Variants in IKZF2 observed in about 807,000 individuals in gnomAD.
IKZF2 encodes the protein IKAROS family zinc finger 2, also known as zinc finger protein Helios.
IKZF2 carries 15 observed loss-of-function variants against 49.2 expected under a neutral mutation model. The observed-to-expected ratio is 0.30, with a 90% CI of 0.20 to 0.47. IKZF2 has a LOEUF of 0.47. IKZF2 is among the 20% of genes least tolerant of loss of function. The pLI is 1.00. For synonymous variants in IKZF2, 227 were observed against 221.4 expected (o/e 1.03, Z -0.23); for missense variants, 567 against 664.6 (o/e 0.85, Z 1.61).
At chr2:213,025,165 C>T (rs1375859747) in intron 6 of IKZF2, among the ~76,000 whole-genome samples, 1 of 152,108 alleles carries the variant, frequency 6.6e-6, no homozygotes, top group African/African-American at 2.4e-5. Flanking sequence ...GTTTTAGCGT[C>T]TGAGATCAGA....
intron 6 of IKZF2, among the ~76,000 whole-genome samples, chr2:213,048,713 T>C (rs1700401325): frequency 6.6e-6 from 1 of 152,074 alleles, no homozygotes; most frequent in South Asian, 2.1e-4. Context: ...TAAGAGTTAA[T>C]GTTTAAAATA....
chr2:213,059,995 C>G (rs1265455961), intron 4 of IKZF2, among the ~76,000 whole-genome samples: 1 of 151,226 alleles, frequency 6.6e-6, no homozygotes. Context: ...TGTATTTATA[C>G]AGTAAATCAA....
chr2:213,039,326 T>C (rs1023012613), intron 6 of IKZF2, among the ~76,000 whole-genome samples: 1 of 152,028 alleles, frequency 6.6e-6, no homozygotes, highest in Admixed American at 6.6e-5. Flanking sequence ...CTTGGAACTA[T>C]AGGGACTTGA....
chr2:213,116,263 C>T (rs957117826), intron 4 of IKZF2, among the ~76,000 whole-genome samples: 3 of 152,074 alleles, frequency 2.0e-5, no homozygotes, highest in South Asian at 2.1e-4. Flanking sequence ...GTGTTGAGGA[C>T]GTACAATGTT....
At chr2:213,062,802 T>C (rs940635052) in intron 4 of IKZF2, among the ~76,000 whole-genome samples, 3 of 151,958 alleles carry the variant, frequency 2.0e-5, no homozygotes, top group Non-Finnish European at 4.4e-5. Context: ...TACACTAATA[T>C]AACTCTCTCT....
chr2:213,002,938 T>C lies in IKZF2; in HGVS notation c.*4422A>G, dbSNP rs1695027345. 1 of 151,984 alleles carries C rather than the reference T, an allele frequency of 6.6e-6. No homozygotes were observed. The highest frequency in any genetic ancestry group is 2.1e-4 in the South Asian group (1 of 4,830). The allele number at this position is 151,984 out of a possible 1,614,324, so 9.4% of individuals were successfully genotyped here. A position where few individuals can be genotyped will look rare whatever the true frequency, so the allele number is the denominator to read the frequency against. On this transcript the variant is annotated 3_prime_UTR_variant, in exon 9 of 9. Transcript: ENST00000434687. ...TCAATTCACAGGTAAAGTTTCACTC[T>C]ATATTTTACCTGCATAATCTTGTAA...
At chr2:213,097,695 T>C (rs1706180187) in intron 4 of IKZF2, among the ~76,000 whole-genome samples, 1 of 152,150 alleles carries the variant, frequency 6.6e-6, no homozygotes, top group African/African-American at 2.4e-5. Context: ...GATTGTATCA[T>C]AGAACCTGAC....
chr2:213,036,660 T>C (rs913804898), intron 6 of IKZF2, among the ~76,000 whole-genome samples: 1 of 152,192 alleles, frequency 6.6e-6, no homozygotes, highest in African/African-American at 2.4e-5. Context: ...ATCATATTTC[T>C]ATACAATTTA....
intron 6 of IKZF2, among the ~76,000 whole-genome samples, chr2:213,042,976 A>G (rs1217393047): frequency 6.6e-6 from 1 of 152,160 alleles, no homozygotes; most frequent in African/African-American, 2.4e-5. Flanking sequence ...ATGTTAGATA[A>G]AAAGGTTTTT....
chr2:213,073,386 A>G (rs1702912819), intron 4 of IKZF2, among the ~76,000 whole-genome samples: 1 of 152,188 alleles, frequency 6.6e-6, no homozygotes, highest in Non-Finnish European at 1.5e-5. Flanking sequence ...AACTAACTCC[A>G]TATTTACCAC....
rs1161046911 is a variant in IKZF2, at chr2:213,000,565, GTTTTA to G, written c.*6790_*6794del. ...CAAAACATGTATTTATATTACAGCA[GTTTTA>G]CTACAGGGACACAGGTATAAAAAAA... On this transcript the variant is annotated 3_prime_UTR_variant, in exon 9 of 9. Transcript: ENST00000434687. 6.6e-6 allele frequency: 1 copy of G among 151,658 alleles called. No individual in the cohort carries two copies. The highest frequency in any genetic ancestry group is 2.4e-5 in the African/African-American group (1 of 41,320). 9.4% of individuals were successfully genotyped at this position (151,658 alleles called of 1,614,324 possible).
At chr2:213,134,939 T>G (rs1281472851) in intron 4 of IKZF2, among the ~76,000 whole-genome samples, 1 of 152,202 alleles carries the variant, frequency 6.6e-6, no homozygotes, top group Non-Finnish European at 1.5e-5. Flanking sequence ...ATCTGTTATT[T>G]TTATTCTTTC....
chr2:213,024,495 C>A (rs977343428), intron 6 of IKZF2, among the ~76,000 whole-genome samples: 5 of 151,920 alleles, frequency 3.3e-5, no homozygotes, highest in African/African-American at 1.2e-4. Context: ...TTGCATGGAG[C>A]AAAAGAATGG....
intron 6 of IKZF2, among the ~76,000 whole-genome samples, chr2:213,031,885 A>T (rs1428272199): frequency 6.6e-6 from 1 of 152,206 alleles, no homozygotes; most frequent in Admixed American, 6.5e-5. Flanking sequence ...AATGTGGCAT[A>T]TATAATCATA....
Position 213,008,159 on chromosome 2 carries a change from T to A in IKZF2, c.857-75A>T, listed in dbSNP as rs1252004328. On this transcript the variant is annotated intron_variant, in intron 8 of 8. Transcript: ENST00000434687. Reference sequence around the variant, plus strand: ...CAACATTAGTATCAGATTAAAAATATGAAAGGGTACGAAGTTGACTGATTG... The same window carrying A: ...CAACATTAGTATCAGATTAAAAATAAGAAAGGGTACGAAGTTGACTGATTG... 7 of 1,449,200 alleles carry A rather than the reference T, an allele frequency of 4.8e-6. No homozygotes were observed. The Admixed American group carries it at 1.1e-4, about 22-fold the overall frequency. The allele number at this position is 1,449,200 out of a possible 1,614,324, so 89.8% of individuals were successfully genotyped here. A position where few individuals can be genotyped will look rare whatever the true frequency, so the allele number is the denominator to read the frequency against.
At chr2:213,046,229 T>C (rs1213636065) in intron 6 of IKZF2, among the ~76,000 whole-genome samples, 4 of 152,124 alleles carry the variant, frequency 2.6e-5, no homozygotes, top group Non-Finnish European at 5.9e-5. Flanking sequence ...ATTCAACATA[T>C]CAAAAATGTA....
chr2:213,130,744 T>C (rs2060448130), intron 4 of IKZF2, among the ~76,000 whole-genome samples: 3 of 152,204 alleles, frequency 2.0e-5, no homozygotes, highest in South Asian at 4.1e-4. Context: ...AGTACATTGC[T>C]TTCCTATATA....
At chr2:213,139,125 C>T (rs1158673265) in intron 4 of IKZF2, among the ~76,000 whole-genome samples, 1 of 151,856 alleles carries the variant, frequency 6.6e-6, no homozygotes, top group African/African-American at 2.4e-5. Context: ...ATATAAATCA[C>T]ACTAAAGAAA....
At chr2:213,079,556 G>GGA (rs1302984623) in intron 4 of IKZF2, among the ~76,000 whole-genome samples, 3 of 122,268 alleles carry the variant, frequency 2.5e-5, no homozygotes, top group Non-Finnish European at 3.4e-5. Flanking sequence ...AGGAGAAAGG[G>GGA]GAGAGAGAGA....
Sources: gnomAD v4.1 joint callset for allele counts (sites outside exome capture counted in the v4.1 genomes callset) on GRCh38, gnomAD v4.1.1 for gene constraint, MANE v1.5 for transcripts, NCBI Gene and HGNC (gene_info 2026-07-23, HGNC 2026-07-21) for gene names.